DLG2: variants seen among roughly 807,000 people sequenced by gnomAD.
The protein encoded by DLG2 is discs large MAGUK scaffold protein 2, also known as disks large homolog 2.
DLG2 carries 45 observed loss-of-function variants against 132.5 expected under a neutral mutation model. The ratio of observed to expected loss-of-function variants is 0.34; its 90% CI spans 0.27 to 0.44. The LOEUF (loss-of-function observed/expected upper bound fraction) is 0.44, where lower values mean the gene tolerates loss of function less well. Among genes scored for constraint, DLG2 ranks in the 20% least tolerant of loss-of-function variants. The pLI, the probability that DLG2 is intolerant of heterozygous loss-of-function variation, is 1.00. For synonymous variants in DLG2, 424 were observed against 419.6 expected, an observed-to-expected ratio of 1.01 and a Z score of -0.13; for missense variants, 1,045 against 1,196.9, an observed-to-expected ratio of 0.87 and a Z score of 1.87.
At chr11:84,393,952 C>T (rs1285935948) in intron 7 of DLG2, among the ~76,000 whole-genome samples, 1 of 152,100 alleles carries the variant, frequency 6.6e-6, no homozygotes, top group Non-Finnish European at 1.5e-5. Flanking sequence ...GAGGCGTGAT[C>T]TTGGCTAACT....
intron 6 of DLG2, among the ~76,000 whole-genome samples, chr11:85,039,923 C>T (rs988697654): frequency 6.6e-6 from 1 of 151,790 alleles, no homozygotes; most frequent in African/African-American, 2.4e-5. Flanking sequence ...CTTAGTAATT[C>T]ACAACATAAG....
At chr11:83,536,940 A>T (rs1361989913) in intron 20 of DLG2, among the ~76,000 whole-genome samples, 1 of 152,196 alleles carries the variant, frequency 6.6e-6, no homozygotes, top group Non-Finnish European at 1.5e-5. Flanking sequence ...ACTGAGTAAG[A>T]CTTCTTTGGC....
chr11:83,698,766 CGTTATCTCTTCCACATCCTAT>C (rs1308322181), intron 18 of DLG2, among the ~76,000 whole-genome samples: 3 of 152,212 alleles, frequency 2.0e-5, no homozygotes, highest in African/African-American at 7.2e-5. Context: ...TCTCATCCTA[CGTTATCTCTTCCACATCCTAT>C]GTTATCTCTT....
chr11:85,296,718 G>A (rs2079244648), intron 3 of DLG2, among the ~76,000 whole-genome samples: 1 of 150,994 alleles, frequency 6.6e-6, no homozygotes, highest in Non-Finnish European at 1.5e-5. Context: ...AATTTCACCT[G>A]GAATTGGTCC....
intron 18 of DLG2, among the ~76,000 whole-genome samples, chr11:83,668,208 T>C (rs925282101): frequency 7.9e-5 from 12 of 152,022 alleles, no homozygotes; most frequent in Admixed American, 3.3e-4. Context: ...AGGGTCAGAT[T>C]TATGTAGAAA....
intron 6 of DLG2, among the ~76,000 whole-genome samples, chr11:84,872,826 T>C (rs2085686047): frequency 6.6e-6 from 1 of 152,190 alleles, no homozygotes; most frequent in African/African-American, 2.4e-5. Context: ...TGAGCAATGA[T>C]GGAAACTTAA....
intron 19 of DLG2, among the ~76,000 whole-genome samples, chr11:83,577,171 G>A (rs967840981): frequency 2.0e-5 from 3 of 151,998 alleles, no homozygotes; most frequent in Non-Finnish European, 4.4e-5. Context: ...CATGCTGGAT[G>A]CTTCCTGCCC....
chr11:84,416,584 T>G (rs2098930544), intron 7 of DLG2, among the ~76,000 whole-genome samples: 1 of 152,172 alleles, frequency 6.6e-6, no homozygotes, highest in South Asian at 2.1e-4. Context: ...ATTAAAAACA[T>G]GTGGTTTGGG....
At chr11:84,934,566 A>G (rs544642915) in intron 6 of DLG2, among the ~76,000 whole-genome samples, 2 of 65,036 alleles carry the variant, frequency 3.1e-5, no homozygotes, top group South Asian at 1.0e-3. Flanking sequence ...GCTATTTATT[A>G]CTGTCTCAAT....
intron 10 of DLG2, among the ~76,000 whole-genome samples, chr11:84,092,534 A>G (rs543932541): frequency 6.6e-6 from 1 of 152,266 alleles, no homozygotes; most frequent in African/African-American, 2.4e-5. Flanking sequence ...TCTTTCTCCT[A>G]TATCTCTTTT....
At chr11:83,796,024 G>T (rs1339928274) in intron 17 of DLG2, among the ~76,000 whole-genome samples, 1 of 152,186 alleles carries the variant, frequency 6.6e-6, no homozygotes, top group Non-Finnish European at 1.5e-5. Context: ...TTCAAACTGA[G>T]TTGTGTAATG....
chr11:84,963,673 T>C (rs1423640324), intron 6 of DLG2, among the ~76,000 whole-genome samples: 2 of 152,186 alleles, frequency 1.3e-5, no homozygotes, highest in African/African-American at 4.8e-5. Flanking sequence ...TATGAAGGCA[T>C]GCTGCACACA....
intron 7 of DLG2, among the ~76,000 whole-genome samples, chr11:84,479,201 T>G (rs2154492824): frequency 6.6e-6 from 1 of 152,230 alleles, no homozygotes; most frequent in South Asian, 2.1e-4. Flanking sequence ...ACTATAAAAC[T>G]TGGATTGTTC....
At chr11:83,631,135 T>C (rs1591308746) in intron 19 of DLG2, 1 of 151,214 alleles carries the variant, frequency 6.6e-6, no homozygotes, top group East Asian at 1.9e-4. Flanking sequence ...GAATCCTTTT[T>C]GGTAAGAATT....
intron 3 of DLG2, among the ~76,000 whole-genome samples, chr11:85,373,514 A>G (rs1034231842): frequency 6.6e-6 from 1 of 152,200 alleles, no homozygotes; most frequent in Non-Finnish European, 1.5e-5. Flanking sequence ...GGAATGAGAT[A>G]GTCAGATGGG....
At chr11:85,144,274 A>C (rs1327050963) in intron 5 of DLG2, among the ~76,000 whole-genome samples, 1 of 151,164 alleles carries the variant, frequency 6.6e-6, no homozygotes, top group Non-Finnish European at 1.5e-5. Context: ...TTACATTTGT[A>C]CAGAATATCT....
intron 7 of DLG2, among the ~76,000 whole-genome samples, chr11:84,527,893 T>TTCTCTCTCTCTCTCTCTC (rs60170305): frequency 7.2e-5 from 9 of 125,590 alleles, no homozygotes; most frequent in East Asian, 2.5e-4. Context: ...CTCCCTCCCT[T>TTCTCTCTCTCTCTCTCTC]TCTCTCTCTC....
At chr11:85,422,107 G>A (rs569686172) in intron 3 of DLG2, among the ~76,000 whole-genome samples, 47 of 152,226 alleles carry the variant, frequency 3.1e-4, no homozygotes, top group African/African-American at 1.1e-3. Flanking sequence ...TTTTGTCTCA[G>A]TTCTTAAGAT....
chr11:85,338,581 T>C (rs1018158679), intron 3 of DLG2, among the ~76,000 whole-genome samples: 3 of 152,092 alleles, frequency 2.0e-5, no homozygotes, highest in Non-Finnish European at 4.4e-5. Flanking sequence ...TATAGTAATA[T>C]TTCCATATTA....
Sources: allele counts gnomAD v4.1 joint callset (sites outside exome capture counted in the v4.1 genomes callset), GRCh38; gene constraint gnomAD v4.1.1; transcripts MANE v1.5; gene names NCBI Gene and HGNC (gene_info 2026-07-23, HGNC 2026-07-21).